The following DSCAML1 variants were observed in gnomAD, a reference collection of about 807,000 sequenced individuals.
DSCAML1 encodes DS cell adhesion molecule like 1, also known as cell adhesion molecule DSCAML1.
In DSCAML1, 38 loss-of-function variants were observed where a neutral mutation model predicts 200.5. That is an observed-to-expected ratio of 0.19 (90% CI 0.15 to 0.25). The LOEUF is 0.25. DSCAML1 is among the 10% of genes least tolerant of loss of function. The pLI is 1.00. For synonymous variants in DSCAML1, 1,215 were observed against 1,165.0 expected (o/e 1.04, Z -0.87); for missense variants, 2,223 against 2,858.8 (o/e 0.78, Z 5.07).
At chr11:117,739,642 G>A (rs1341915398) in intron 3 of DSCAML1, among the ~76,000 whole-genome samples, 3 of 152,214 alleles carry the variant, frequency 2.0e-5, no homozygotes, top group Non-Finnish European at 4.4e-5. Context: ...ACTGGACTCT[G>A]TGCATGGTTA....
chr11:117,532,581 A>C (rs1009770323), intron 3 of DSCAML1, 59 bp from the exon 4 acceptor site: 1 of 1,535,302 alleles, frequency 6.5e-7, no homozygotes, highest in African/African-American at 1.4e-5. Context: ...CCTCAGAGGC[A>C]GGGTAGCGTC....
rs573718431 is a variant in DSCAML1, at chr11:117,761,729, A to G, written c.511+15062T>C. Among the ~76,000 whole-genome samples, 6 of 152,206 alleles carry G rather than the reference A, an allele frequency of 3.9e-5. 1 individual carries two copies. The South Asian group carries it at 1.0e-3, about 26-fold the overall frequency. On this transcript the variant is annotated intron_variant, in intron 3 of 32. Transcript: ENST00000651296. ...CTACAAAAAATTAAAAAATTAGCTG[A>G]GTGTGGTGGCGTGTGCCTGTAGTCC...
At chr11:117,806,250 G>T (rs1393466096) in intron 1 of DSCAML1, among the ~76,000 whole-genome samples, 1 of 152,206 alleles carries the variant, frequency 6.6e-6, no homozygotes, top group Non-Finnish European at 1.5e-5. Context: ...TAAAAACCAA[G>T]GTAGGATGTG....
intron 3 of DSCAML1, among the ~76,000 whole-genome samples, chr11:117,659,889 T>A (rs1044652266): frequency 1.3e-5 from 2 of 151,976 alleles, no homozygotes; most frequent in Non-Finnish European, 2.9e-5. Flanking sequence ...TAGCTAAATT[T>A]TTTTTTGTAT....
At position 117,441,048 on chromosome 11, in the gene DSCAML1, G is replaced by T. The variant is rs188338069; in HGVS notation, c.3863-1112C>A. ...GGACACAGAACGTGACAGGATGGTG[G>T]CCAGAATGCAGGCTGGAGGTGATGC... On this transcript the variant is annotated intron_variant, in intron 21 of 32. Transcript: ENST00000651296. 1.5e-3 allele frequency among the ~76,000 whole-genome samples: 234 copies of T among 152,194 alleles called. 1 individual carries two copies. The highest frequency in any genetic ancestry group is 5.2e-3 in the African/African-American group (215 of 41,506).
At chr11:117,726,427 T>C (rs2054133094) in intron 3 of DSCAML1, among the ~76,000 whole-genome samples, 1 of 152,104 alleles carries the variant, frequency 6.6e-6, no homozygotes, top group African/African-American at 2.4e-5. Context: ...TAGGTAACAT[T>C]TATATTTATT....
chr11:117,432,528 G>A lies in DSCAML1; in HGVS notation c.5027-24C>T, dbSNP rs57256916. 8,169 of 1,606,952 alleles carry A rather than the reference G, an allele frequency of 5.1e-3. 364 individuals carry two copies. In the African/African-American group the frequency reaches 0.097, roughly 19 times the overall value. On this transcript the variant is annotated intron_variant, in intron 29 of 32. Coordinates refer to ENST00000651296, the MANE Select transcript of DSCAML1 (RefSeq NM_020693.4). ...TCCTGGGGAAAGAAGGACAATTACT[G>A]GGAGTCCTTTACAATTGTTTTTTAA...
chr11:117,715,213 G>T (rs2053929801), intron 3 of DSCAML1, among the ~76,000 whole-genome samples: 1 of 151,752 alleles, frequency 6.6e-6, no homozygotes. Context: ...CCTTCTCCCG[G>T]CCTCAGCATG....
intron 3 of DSCAML1, among the ~76,000 whole-genome samples, chr11:117,584,397 A>T (rs1015873705): frequency 3.1e-4 from 47 of 152,186 alleles, no homozygotes; most frequent in Non-Finnish European, 5.4e-4. Flanking sequence ...GGAGGAAAAA[A>T]CCAATCCCAA....
chr11:117,512,533 T>C (rs558058902), intron 8 of DSCAML1, among the ~76,000 whole-genome samples: 25 of 152,172 alleles, frequency 1.6e-4, no homozygotes, highest in Non-Finnish European at 2.6e-4. Flanking sequence ...CCATGCTGCT[T>C]CTTGGTCCAG....
chr11:117,729,740 T>C (rs2054188338), intron 3 of DSCAML1, among the ~76,000 whole-genome samples: 1 of 152,234 alleles, frequency 6.6e-6, no homozygotes, highest in South Asian at 2.1e-4. Flanking sequence ...GCTGTTGTGA[T>C]AGACAGGATA....
In DSCAML1 at chr11:117,654,517, A is replaced by G. The variant is rs548571967; in HGVS notation, c.512-121995T>C. ...GCCCCTGTTGGCCCATCCATGAGAT[A>G]GGGCACAAATAATTCCTGGCTCAGA... is the stretch of plus-strand genomic sequence containing the variant. On this transcript the variant is annotated intron_variant, in intron 3 of 32. Coordinates refer to ENST00000651296, the MANE Select transcript of DSCAML1 (RefSeq NM_020693.4). Among the ~76,000 whole-genome samples the G allele has an allele frequency of 2.2e-3, 331 of 152,342 alleles. 1 individual carries two copies. Among genetic ancestry groups the G allele is most frequent in the African/African-American group, 7.5e-3 (310 of 41,578 alleles).
intron 3 of DSCAML1, among the ~76,000 whole-genome samples, chr11:117,630,240 G>A (rs2052141796): frequency 6.6e-6 from 1 of 152,150 alleles, no homozygotes; most frequent in South Asian, 2.1e-4. Context: ...AGGGAGGAGT[G>A]GGGAGAGGGG....
chr11:117,543,719 C>T (rs550490342), intron 3 of DSCAML1, among the ~76,000 whole-genome samples: 8 of 152,198 alleles, frequency 5.3e-5, no homozygotes, highest in East Asian at 1.9e-4. Context: ...TTTCTCTGTT[C>T]GTGGAGTTCT....
At chr11:117,521,028 G>C in intron 6 of DSCAML1, 102 bp downstream of exon 6, 1 of 1,492,488 alleles carries the variant, frequency 6.7e-7, no homozygotes, top group South Asian at 1.3e-5. Context: ...TGTAGTGAGC[G>C]CTGGTTTAAT....
At chr11:117,728,802 A>G (rs565657498) in intron 3 of DSCAML1, among the ~76,000 whole-genome samples, 1 of 152,350 alleles carries the variant, frequency 6.6e-6, no homozygotes, top group East Asian at 1.9e-4. Flanking sequence ...ACATAAATAA[A>G]TGGAAGGATA....
chr11:117,773,536 C>CACAT (rs1315358416), intron 3 of DSCAML1, among the ~76,000 whole-genome samples: 14 of 148,776 alleles, frequency 9.4e-5, no homozygotes, highest in African/African-American at 2.9e-4. Context: ...AATGCACACA[C>CACAT]ACACACACAC....
intron 3 of DSCAML1, among the ~76,000 whole-genome samples, chr11:117,665,143 C>A (rs1341149982): frequency 1.3e-5 from 2 of 152,322 alleles, no homozygotes; most frequent in South Asian, 2.1e-4. Flanking sequence ...CCAGGCTGGC[C>A]TCTGACCTAT....
chr11:117,509,288 G>A (rs190869802), intron 8 of DSCAML1, among the ~76,000 whole-genome samples: 1 of 152,270 alleles, frequency 6.6e-6, no homozygotes, highest in Non-Finnish European at 1.5e-5. Flanking sequence ...GGAGACGGAG[G>A]AGGCTGAGCC....
Sources: gnomAD v4.1 joint callset for allele counts (sites outside exome capture counted in the v4.1 genomes callset) on GRCh38, gnomAD v4.1.1 for gene constraint, MANE v1.5 for transcripts, NCBI Gene and HGNC (gene_info 2026-07-23, HGNC 2026-07-21) for gene names.